The following NDST3 variants were observed in gnomAD, a reference collection of about 807,000 sequenced individuals.
NDST3 encodes the protein N-deacetylase and N-sulfotransferase 3.
A neutral mutation model predicts 96.1 loss-of-function variants in NDST3; 58 were observed. The ratio of observed to expected loss-of-function variants is 0.60; its 90% confidence interval spans 0.49 to 0.75. The LOEUF (loss-of-function observed/expected upper bound fraction) is 0.75, where lower values mean the gene tolerates loss of function less well. NDST3 is among the 30% of genes least tolerant of loss of function. NDST3 has a pLI of 0.00. For synonymous variants in NDST3, 333 were observed against 359.7 expected (o/e 0.93, Z 0.84); for missense variants, 788 against 1,034.2 (o/e 0.76, Z 3.27).
rs74353283 is a variant in NDST3, at chr4:118,152,862, T to C, written c.1539+9178T>C. Reference sequence around the variant, plus strand: ...CCAGTTCTAACTGCTGACTGCCTCGTCCGCTGGATTCTCAGGTCGAATTTC... The same window carrying C: ...CCAGTTCTAACTGCTGACTGCCTCGCCCGCTGGATTCTCAGGTCGAATTTC... On this transcript the variant is annotated intron_variant, in intron 6 of 13. Coordinates refer to ENST00000296499, the MANE Select transcript of NDST3 (RefSeq NM_004784.3). 3.1e-3 allele frequency among the ~76,000 whole-genome samples: 474 copies of C among 152,324 alleles called. 2 individuals carry two copies. The highest frequency in any genetic ancestry group is 6.8e-3 in the Middle Eastern group (2 of 294).
intron 6 of NDST3, among the ~76,000 whole-genome samples, chr4:118,203,475 T>C (rs937930307): frequency 6.6e-6 from 1 of 152,210 alleles, no homozygotes; most frequent in African/African-American, 2.4e-5. Flanking sequence ...TAATTACTGA[T>C]TCAATTTCAG....
intron 6 of NDST3, among the ~76,000 whole-genome samples, chr4:118,156,422 G>T (rs1414518555): frequency 1.3e-5 from 2 of 152,026 alleles, no homozygotes; most frequent in Non-Finnish European, 2.9e-5. Context: ...AGTAATTTTT[G>T]ACTTCCTTGA....
chr4:118,221,872 C>T (rs1739567359), intron 6 of NDST3, among the ~76,000 whole-genome samples: 1 of 151,792 alleles, frequency 6.6e-6, no homozygotes, highest in South Asian at 2.1e-4. Context: ...ACTAATTACT[C>T]ATAGTGTGTT....
chr4:118,161,150 G>T (rs1435655655), intron 6 of NDST3, among the ~76,000 whole-genome samples: 1 of 152,246 alleles, frequency 6.6e-6, no homozygotes, highest in East Asian at 1.9e-4. Flanking sequence ...GACCCTGTTT[G>T]CCTGCGTATC....
intron 2 of NDST3, among the ~76,000 whole-genome samples, 157 bp from the exon 3 acceptor site, chr4:118,104,857 ATCTC>A (rs1253495583): frequency 6.6e-6 from 1 of 152,184 alleles, no homozygotes; most frequent in Non-Finnish European, 1.5e-5. Flanking sequence ...ACTCAAAAGT[ATCTC>A]TCTAGTTTTA....
At chr4:118,187,624 C>T (rs149864605) in intron 6 of NDST3, among the ~76,000 whole-genome samples, 158 of 152,254 alleles carry the variant, frequency 1.0e-3, no homozygotes, top group African/African-American at 3.5e-3. Flanking sequence ...CAAGAGGGCA[C>T]ATAAGAGACC....
At chr4:118,196,574 G>T (rs1578799278) in intron 6 of NDST3, among the ~76,000 whole-genome samples, 1 of 152,050 alleles carries the variant, frequency 6.6e-6, no homozygotes, top group Non-Finnish European at 1.5e-5. Flanking sequence ...TTCAATCTTG[G>T]TAGGTTGTAT....
At chr4:118,149,167 A>G (rs1734188305) in intron 6 of NDST3, among the ~76,000 whole-genome samples, 1 of 152,162 alleles carries the variant, frequency 6.6e-6, no homozygotes, top group South Asian at 2.1e-4. Flanking sequence ...GCCTTGTAGT[A>G]TAGTTTGAAG....
chr4:118,078,085 C>A (rs986007912), intron 2 of NDST3, among the ~76,000 whole-genome samples: 7 of 152,078 alleles, frequency 4.6e-5, no homozygotes, highest in Admixed American at 1.3e-4. Flanking sequence ...TTTTTCATTC[C>A]CAGTCTTGCA....
At chr4:118,075,545 C>A (rs1374024236) in intron 2 of NDST3, among the ~76,000 whole-genome samples, 1 of 152,202 alleles carries the variant, frequency 6.6e-6, no homozygotes, top group East Asian at 1.9e-4. Flanking sequence ...TTCTCCACAT[C>A]CTCTCCAGCA....
chr4:118,056,940 C>G (rs971054825), intron 2 of NDST3, among the ~76,000 whole-genome samples: 3 of 151,826 alleles, frequency 2.0e-5, no homozygotes, highest in African/African-American at 7.3e-5. Flanking sequence ...GTACCTGTAA[C>G]TTAAGTATGT....
At chr4:118,056,752 G>A (rs369662090) in intron 2 of NDST3, among the ~76,000 whole-genome samples, 4 of 152,078 alleles carry the variant, frequency 2.6e-5, no homozygotes, top group South Asian at 4.1e-4. Context: ...GCATCTATCC[G>A]TTCAGTTCTT....
intron 2 of NDST3, among the ~76,000 whole-genome samples, chr4:118,070,145 C>G (rs560211943): frequency 4.6e-5 from 7 of 152,230 alleles, no homozygotes; most frequent in African/African-American, 1.4e-4. Flanking sequence ...AAATCTTTAT[C>G]TCTGGGTTTG....
At chr4:118,187,657 T>C (rs1253614173) in intron 6 of NDST3, among the ~76,000 whole-genome samples, 1 of 152,138 alleles carries the variant, frequency 6.6e-6, no homozygotes, top group East Asian at 1.9e-4. Context: ...CTATTGTTGT[T>C]AGAGACATAA....
Position 118,205,820 on chromosome 4 carries a change from C to T in NDST3, c.1540-18671C>T, listed in dbSNP as rs1017474281. Among the ~76,000 whole-genome samples the T allele has an allele frequency of 3.9e-5, 5 of 128,652 alleles. 1 individual carries two copies. The highest frequency in any genetic ancestry group is 8.5e-5 in the Non-Finnish European group (5 of 59,170). The allele number at this position is 128,652 out of a possible 152,430, so 84.4% of individuals were successfully genotyped here. A position where few individuals can be genotyped will look rare whatever the true frequency, so the allele number is the denominator to read the frequency against. ...AGTACAAATATACAGTACTGGCCAC[C>T]TATCGGGCTTTCTTTTTTTTTTTTT... On this transcript the variant is annotated intron_variant, in intron 6 of 13. Transcript: ENST00000296499.
Position 118,054,669 on chromosome 4 carries a change from T to G in NDST3, c.759T>G (p.Phe253Leu). 1 of 1,613,336 alleles carries G rather than the reference T, an allele frequency of 6.2e-7. No individual in the cohort carries two copies. The highest frequency in any genetic ancestry group is 8.5e-7 in the Non-Finnish European group (1 of 1,179,490). ...NLSPSISKGAFYATIIHDLGL... is the reference protein window; with the variant it reads ...NLSPSISKGALYATIIHDLGL... ...CTCCTTCCATCTCTAAAGGTGCTTTTTATGCCACTATTATACATGACCTGG... is the reference window on the plus strand; with the variant it reads ...CTCCTTCCATCTCTAAAGGTGCTTTGTATGCCACTATTATACATGACCTGG... Residue 253 changes from phenylalanine (F) to leucine (L), a missense_variant, in exon 2 of 14, where the codon TTT (phenylalanine) becomes TTG (leucine). Phe to Leu is a conservative substitution (Grantham distance 22). Coordinates refer to ENST00000296499, the MANE Select transcript of NDST3 (RefSeq NM_004784.3).
chr4:118,136,851 G>A (rs912105390), intron 4 of NDST3, among the ~76,000 whole-genome samples: 6 of 152,170 alleles, frequency 3.9e-5, no homozygotes, highest in Non-Finnish European at 7.3e-5. Context: ...AAATTGGGGC[G>A]ATGAGTGCTG....
At chr4:118,093,491 C>G (rs980161261) in intron 2 of NDST3, among the ~76,000 whole-genome samples, 2 of 151,848 alleles carry the variant, frequency 1.3e-5, no homozygotes, top group Non-Finnish European at 2.9e-5. Flanking sequence ...GACTATAATT[C>G]AGTGAAGCTT....
rs10025515 is a variant in NDST3, at chr4:118,175,749, G to A, written c.1539+32065G>A. On this transcript the variant is annotated intron_variant, in intron 6 of 13. Transcript: ENST00000296499. ...GTTCCTGAGGGCATGCAGACATAACGAACTTCTCTCTCAGCCTGGACCTGT... is the reference window on the plus strand; with the variant it reads ...GTTCCTGAGGGCATGCAGACATAACAAACTTCTCTCTCAGCCTGGACCTGT... Among the ~76,000 whole-genome samples the A allele has an allele frequency of 6.9e-3, 1,055 of 152,212 alleles. 14 individuals are homozygous for A. The highest frequency in any genetic ancestry group is 0.024 in the African/African-American group (991 of 41,528).
Sources: allele counts gnomAD v4.1 joint callset (sites outside exome capture counted in the v4.1 genomes callset), GRCh38; gene constraint gnomAD v4.1.1; transcripts MANE v1.5; gene names NCBI Gene and HGNC (gene_info 2026-07-23, HGNC 2026-07-21).